Variants in FAM83G observed in about 807,000 individuals in gnomAD.
FAM83G encodes protein FAM83G.
In FAM83G, 38 loss-of-function variants were observed where a neutral mutation model predicts 61.5. The observed-to-expected ratio is 0.62, with a 90% CI of 0.48 to 0.81. The LOEUF (loss-of-function observed/expected upper bound fraction) is 0.81, where lower values mean the gene tolerates loss of function less well. Among genes scored for constraint, FAM83G ranks in the 30% least tolerant of loss-of-function variants. The pLI, the probability that FAM83G is intolerant of heterozygous loss-of-function variation, is 0.00. For missense variants in FAM83G, 989 were observed against 1,133.6 expected (o/e 0.87, Z 1.83); for synonymous variants, 470 against 476.1 (o/e 0.99, Z 0.17).
At chr17:18,980,902 C>T (rs1010711338) in intron 3 of FAM83G, among the ~76,000 whole-genome samples, 3 of 152,140 alleles carry the variant, frequency 2.0e-5, no homozygotes. Context: ...TGCCTGCATG[C>T]CTCCTGTGAT....
chr17:18,987,076 AG>A (rs1318071191), intron 3 of FAM83G, among the ~76,000 whole-genome samples: 6 of 152,106 alleles, frequency 3.9e-5, no homozygotes, highest in Admixed American at 1.3e-4. Flanking sequence ...TTGGGGTTGG[AG>A]GGGGTGGGCG....
At position 18,970,952 on chromosome 17, in the gene FAM83G, G is replaced by A; in HGVS notation, c.*407C>T. On this transcript the variant is annotated 3_prime_UTR_variant, in exon 6 of 6. Transcript: ENST00000388995. Reference sequence around the variant, plus strand: ...TCTTGTGAGATGAAGGCAGGGGGGAGCCCAGGGAGTCAGGGCCCCGCAACC... The same window carrying A: ...TCTTGTGAGATGAAGGCAGGGGGGAACCCAGGGAGTCAGGGCCCCGCAACC... 2 of 1,524,412 alleles carry A rather than the reference G, an allele frequency of 1.3e-6. No individual in the cohort carries two copies. The highest frequency in any genetic ancestry group is 2.3e-5 in the East Asian group (1 of 44,010). 94.4% of individuals were successfully genotyped at this position (1,524,412 alleles called of 1,614,324 possible).
At chr17:18,974,443 G>A (rs893827536) in intron 5 of FAM83G, among the ~76,000 whole-genome samples, 1 of 152,256 alleles carries the variant, frequency 6.6e-6, no homozygotes, top group Non-Finnish European at 1.5e-5. Context: ...CTATGCCCCT[G>A]CCCCTCCCTG....
At chr17:19,005,505 GC>G (rs1484393233), upstream of FAM83G, among the ~76,000 whole-genome samples, 1 of 152,170 alleles carries the variant, frequency 6.6e-6, no homozygotes, top group Non-Finnish European at 1.5e-5. Flanking sequence ...CCCATCGCGT[GC>G]CGCAGCCAGT....
At position 18,975,517 on chromosome 17, in the gene FAM83G, C is replaced by A. The variant is rs539968113; in HGVS notation, c.2082+2067G>T. On this transcript the variant is annotated intron_variant, in intron 5 of 5. Coordinates refer to ENST00000388995, the MANE Select transcript of FAM83G (RefSeq NM_001039999.3). ...CCAGCCTGACCAACATGGTAAAACC[C>A]CATCTCTACTAAAAATACAAAAAAA... Among the ~76,000 whole-genome samples, 3 of 152,020 alleles carry A rather than the reference C, an allele frequency of 2.0e-5. No individual in the cohort carries two copies. In the East Asian group the frequency reaches 5.8e-4, roughly 29 times the overall value.
chr17:19,004,211 G>A lies in FAM83G; in HGVS notation c.-128-42C>T, dbSNP rs1597897286. The A allele has an allele frequency of 5.1e-6, 3 of 590,532 alleles. No homozygotes were observed. Among genetic ancestry groups the A allele is most frequent in the African/African-American group, 4.0e-5 (2 of 50,130 alleles). The allele number at this position is 590,532 out of a possible 1,614,324, so 36.6% of individuals were successfully genotyped here. On this transcript the variant is annotated intron_variant, in intron 1 of 5. Transcript: ENST00000388995. The surrounding 1 kb of genome is among the most constrained non-coding windows in gnomAD (Gnocchi z 5.4). ...ATGAGCCCGGCTCGGCGGGGAGGGC[G>A]GGCCGCGCGGGGAGGGGCGGCGGGG... is the stretch of plus-strand genomic sequence containing the variant.
rs1354018883 is a variant in FAM83G, at chr17:18,996,785, C to T, written c.522+6735G>A. On this transcript the variant is annotated intron_variant, in intron 2 of 5. Transcript: ENST00000388995. This position sits in a 1 kb window ranked among gnomAD's most constrained non-coding sequence, Gnocchi z 4.4. ...AGGTCTCCTGTTCCTAGGCTTTTCT[C>T]CTAATGGGGGACCCTGTGTCCATTC... Among the ~76,000 whole-genome samples, 1 of 152,208 alleles carries T rather than the reference C, an allele frequency of 6.6e-6. No homozygotes were observed. Among genetic ancestry groups the T allele is most frequent in the Non-Finnish European group, 1.5e-5 (1 of 68,032 alleles).
intron 2 of FAM83G, among the ~76,000 whole-genome samples, chr17:19,001,870 G>A (rs952501242): frequency 6.6e-6 from 1 of 152,204 alleles, no homozygotes; most frequent in African/African-American, 2.4e-5. Context: ...GACAAGGAGG[G>A]GAGGCACAGA....
In FAM83G at chr17:18,986,569, C is replaced by G. The variant is rs548978226; in HGVS notation, c.690+1678G>C. Among the ~76,000 whole-genome samples the G allele has an allele frequency of 2.6e-5, 4 of 152,358 alleles. No homozygotes were observed. In the South Asian group the frequency reaches 6.2e-4, roughly 24 times the overall value. On this transcript the variant is annotated intron_variant, in intron 3 of 5. Coordinates refer to ENST00000388995, the MANE Select transcript of FAM83G (RefSeq NM_001039999.3). The stretch of plus-strand genomic sequence containing the variant: ...TCAGGCCCAGGCACTCCAGGCCCCC[C>G]ACCTGCCCCATTGCCTCCGGCTTCC...
Position 19,003,825 on chromosome 17 carries a change from C to T in FAM83G, c.217G>A (p.Val73Met). 1 of 1,612,982 alleles carries T rather than the reference C, an allele frequency of 6.2e-7. No homozygotes were observed. The highest frequency in any genetic ancestry group is 8.5e-7 in the Non-Finnish European group (1 of 1,179,940). The change falls in exon 2 of 6, where the codon GTG becomes ATG. Residue 73 changes from valine to methionine, a missense_variant. Val to Met is a conservative substitution (Grantham distance 21, BLOSUM62 1). This residue lies in a region of FAM83G where 371 missense variants were observed against 404.5 expected (regional missense o/e 0.92). Transcript: ENST00000388995. This position sits in a 1 kb window ranked among gnomAD's most constrained non-coding sequence, Gnocchi z 4.5. ...GGGTCCTCAGAGCCCGGGTCGTACA[C>T]CTCGATGGTCTCCAGGATGCGCTTG... The part of the protein sequence containing the change: ...ELKRILETIE[V>M]YDPGSEDPRG...
rs2043804472 is a variant in FAM83G, at chr17:19,003,894, G to A, written c.148C>T (p.Leu50Phe). ...ARGRDAFYEV[L>F]KRENIRDFLS... is the part of the protein sequence containing the mutation. The stretch of plus-strand genomic sequence containing the variant: ...AAGTCTCGGATGTTCTCCCGCTTGA[G>A]CACCTCGTAGAAGGCGTCCCGGCCG... Residue 50 changes from leucine to phenylalanine, a missense_variant, in exon 2 of 6, where the codon CTC (leucine) becomes TTC (phenylalanine). This residue lies in a region of FAM83G where 371 missense variants were observed against 404.5 expected (regional missense o/e 0.92). Coordinates refer to ENST00000388995, the MANE Select transcript of FAM83G (RefSeq NM_001039999.3). The surrounding 1 kb of genome is among the most constrained non-coding windows in gnomAD (Gnocchi z 4.5). 1 of 1,613,028 alleles carries A rather than the reference G, an allele frequency of 6.2e-7. No homozygotes were observed.
At position 19,000,133 on chromosome 17, in the gene FAM83G, A is replaced by C. The variant is rs909958681; in HGVS notation, c.522+3387T>G. Among the ~76,000 whole-genome samples the C allele has an allele frequency of 2.0e-5, 3 of 152,208 alleles. No homozygotes were observed. The highest frequency in any genetic ancestry group is 7.2e-5 in the African/African-American group (3 of 41,462). On this transcript the variant is annotated intron_variant, in intron 2 of 5. Coordinates refer to ENST00000388995, the MANE Select transcript of FAM83G (RefSeq NM_001039999.3). This position sits in a 1 kb window ranked among gnomAD's most constrained non-coding sequence, Gnocchi z 5.2. Reference sequence around the variant, plus strand: ...TGGTATGTAGTTGGAACCCCACAGCAGGTTTTTTCCCAGATAAATCATGGC... The same window carrying C: ...TGGTATGTAGTTGGAACCCCACAGCCGGTTTTTTCCCAGATAAATCATGGC...
chr17:18,972,364 C>G (rs572764080), intron 5 of FAM83G, among the ~76,000 whole-genome samples: 1 of 152,260 alleles, frequency 6.6e-6, no homozygotes, highest in Non-Finnish European at 1.5e-5. Context: ...TCACAGCGCT[C>G]ACACAAGCCT....
intron 3 of FAM83G, among the ~76,000 whole-genome samples, chr17:18,981,930 T>C (rs1413225621): frequency 6.6e-6 from 1 of 152,128 alleles, no homozygotes; most frequent in Admixed American, 6.5e-5. Flanking sequence ...GCCTTCCCTG[T>C]CACTGAGCCC....
chr17:18,994,396 G>A (rs149822990), intron 2 of FAM83G, among the ~76,000 whole-genome samples: 4 of 152,308 alleles, frequency 2.6e-5, no homozygotes, highest in Non-Finnish European at 5.9e-5. Context: ...CACTCTGAGT[G>A]TAGCAGCTAG....
At position 18,969,233 on chromosome 17, in the gene FAM83G, C is replaced by G; in HGVS notation, c.*2126G>C. ...AGAAGGCCACCTCCCCCTACAGGCC[C>G]GAGGGAGCAGCCCAGGAAGTGGCCC... On this transcript the variant is annotated 3_prime_UTR_variant, in exon 6 of 6. Transcript: ENST00000388995. 1 of 1,577,942 alleles carries G rather than the reference C, an allele frequency of 6.3e-7. No homozygotes were observed. Among genetic ancestry groups the G allele is most frequent in the Non-Finnish European group, 8.7e-7 (1 of 1,155,708 alleles).
chr17:19,004,762 G>A lies in FAM83G; in HGVS notation c.-182C>T, dbSNP rs1597898402. On this transcript the variant is annotated 5_prime_UTR_variant, in exon 1 of 6. Coordinates refer to ENST00000388995, the MANE Select transcript of FAM83G (RefSeq NM_001039999.3). The surrounding 1 kb of genome is among the most constrained non-coding windows in gnomAD (Gnocchi z 5.4). ...CACGCGGCGGCTGCGGCGGCGGCGC[G>A]AGGCTGGGCGGGGGCGCGCCGGTGA... is the stretch of plus-strand genomic sequence containing the variant. The A allele has an allele frequency of 1.3e-5, 2 of 150,154 alleles. No individual in the cohort carries two copies. The allele number at this position is 150,154 out of a possible 1,614,324, so 9.3% of individuals were successfully genotyped here.
intron 5 of FAM83G, among the ~76,000 whole-genome samples, chr17:18,973,895 T>G (rs1262631457): frequency 6.8e-6 from 1 of 146,344 alleles, no homozygotes; most frequent in Non-Finnish European, 1.5e-5. Context: ...TTTTTTTTTT[T>G]TTTTTTTTTT....
intron 2 of FAM83G, among the ~76,000 whole-genome samples, chr17:18,995,458 TG>T (rs2043541866): frequency 6.6e-6 from 1 of 152,156 alleles, no homozygotes; most frequent in Admixed American, 6.5e-5. Flanking sequence ...TGAAAGAACA[TG>T]AACACAGCAT....
Sources: allele counts gnomAD v4.1 joint callset (sites outside exome capture counted in the v4.1 genomes callset), GRCh38; gene constraint gnomAD v4.1.1; regional missense constraint gnomAD v4.1.1; non-coding constraint Gnocchi (gnomAD v3.1); transcripts MANE v1.5; gene names NCBI Gene and HGNC (gene_info 2026-07-23, HGNC 2026-07-21).